The following THSD7A variants were observed in gnomAD, a reference collection of about 807,000 sequenced individuals.
The protein encoded by THSD7A is thrombospondin type-1 domain-containing protein 7A.
A neutral mutation model predicts 231.3 loss-of-function variants in THSD7A; 96 were observed. The observed-to-expected ratio is 0.41, with a 90% confidence interval of 0.35 to 0.49. The LOEUF (loss-of-function observed/expected upper bound fraction) is 0.49. Ranked by LOEUF, THSD7A falls within the 20% of genes least tolerant of loss-of-function variation. The pLI, the probability that THSD7A is intolerant of heterozygous loss-of-function variation, is 0.05. For missense variants in THSD7A, 2,290 were observed against 2,070.2 expected (o/e 1.11, Z -2.06); for synonymous variants, 940 against 743.3 (o/e 1.26, Z -4.30).
chr7:11,416,298 T>C (rs1783957595), intron 17 of THSD7A, among the ~76,000 whole-genome samples: 1 of 152,210 alleles, frequency 6.6e-6, no homozygotes, highest in Non-Finnish European at 1.5e-5. Flanking sequence ...TCCCTATTAA[T>C]AAGTTTAAGA....
chr7:11,438,413 T>C (rs1403264347), intron 13 of THSD7A, among the ~76,000 whole-genome samples: 1 of 152,004 alleles, frequency 6.6e-6, no homozygotes, highest in African/African-American at 2.4e-5. Context: ...AAAGCAAATT[T>C]TTAAAGAGAA....
chr7:11,585,847 A>G (rs62434526), intron 4 of THSD7A, among the ~76,000 whole-genome samples: 5,809 of 152,212 alleles, frequency 0.038, 166 homozygotes, highest in East Asian at 0.041. Context: ...GAGGCATGTG[A>G]GCAAACCAAA....
At chr7:11,564,938 GAATTTA>G in intron 4 of THSD7A, among the ~76,000 whole-genome samples, 1 of 152,282 alleles carries the variant, frequency 6.6e-6, no homozygotes, top group East Asian at 1.9e-4. Flanking sequence ...ATCATTGTTA[GAATTTA>G]AATTTCACAA....
chr7:11,392,483 A>G (rs145532825), intron 23 of THSD7A, among the ~76,000 whole-genome samples: 1 of 152,116 alleles, frequency 6.6e-6, no homozygotes, highest in African/African-American at 2.4e-5. Context: ...GCTAGTTGCA[A>G]GAGTTTTTTT....
At chr7:11,569,135 T>A (rs913079011) in intron 4 of THSD7A, among the ~76,000 whole-genome samples, 2 of 152,094 alleles carry the variant, frequency 1.3e-5, no homozygotes, top group Non-Finnish European at 2.9e-5. Flanking sequence ...TAGGCAAAGA[T>A]TTTATGGTTA....
Position 11,373,640 on chromosome 7 carries a change from T to C in THSD7A, c.*2154A>G, listed in dbSNP as rs1782147567. ...AATTAGCGCTTACTGCATTTAGTTCTTATTGAAATACATACAAATATTTTC... is the reference window on the plus strand; with the variant it reads ...AATTAGCGCTTACTGCATTTAGTTCCTATTGAAATACATACAAATATTTTC... On this transcript the variant is annotated 3_prime_UTR_variant, in exon 28 of 28. Coordinates refer to ENST00000423059, the MANE Select transcript of THSD7A (RefSeq NM_015204.3). 1 of 152,080 alleles carries C rather than the reference T, an allele frequency of 6.6e-6. No individual in the cohort carries two copies. Among genetic ancestry groups the C allele is most frequent in the Admixed American group, 6.6e-5 (1 of 15,224 alleles). 9.4% of individuals were successfully genotyped at this position (152,080 alleles called of 1,614,324 possible). A position where few individuals can be genotyped will look rare whatever the true frequency, so the allele number is the denominator to read the frequency against.
At chr7:11,552,345 C>T (rs1468186698) in intron 4 of THSD7A, among the ~76,000 whole-genome samples, 1 of 151,970 alleles carries the variant, frequency 6.6e-6, no homozygotes, top group Non-Finnish European at 1.5e-5. Flanking sequence ...CACTCCCAAC[C>T]CCTAATTTAA....
At position 11,541,644 on chromosome 7, in the gene THSD7A, G is replaced by T. The variant is rs1233994590; in HGVS notation, c.1610-13C>A. On this transcript the variant is annotated splice_polypyrimidine_tract_variant and intron_variant, in intron 5 of 27. Coordinates refer to ENST00000423059, the MANE Select transcript of THSD7A (RefSeq NM_015204.3). ...CTCAGTTTGAAGCCTGAATTATGGG[G>T]GAAGGAAAAATCTATTGTTACTATC... is the stretch of plus-strand genomic sequence containing the variant. 1 of 1,609,766 alleles carries T rather than the reference G, an allele frequency of 6.2e-7. No individual in the cohort carries two copies. The highest frequency in any genetic ancestry group is 1.7e-5 in the Admixed American group (1 of 59,702).
chr7:11,550,816 A>G (rs1474744161), intron 4 of THSD7A, among the ~76,000 whole-genome samples: 3 of 152,176 alleles, frequency 2.0e-5, no homozygotes, highest in Non-Finnish European at 4.4e-5. Context: ...TCAAACCACC[A>G]ATGACATTTT....
rs547948696 is a variant in THSD7A, at chr7:11,417,025, T to A, written c.3537+425A>T. On this transcript the variant is annotated intron_variant, in intron 17 of 27. Transcript: ENST00000423059. ...GCTGTATTCCCACTGTGTGAGAGAT[T>A]ATTCCTACCATTTAAATAAAAGGTA... Among the ~76,000 whole-genome samples the A allele has an allele frequency of 1.3e-3, 193 of 152,338 alleles. 1 individual carries two copies. The highest frequency in any genetic ancestry group is 0.01 in the Middle Eastern group (3 of 294).
At chr7:11,604,834 A>C (rs1174013627) in intron 2 of THSD7A, among the ~76,000 whole-genome samples, 2 of 152,150 alleles carry the variant, frequency 1.3e-5, no homozygotes, top group African/African-American at 4.8e-5. Flanking sequence ...GAGCAGACAG[A>C]TGCAGAAGTA....
chr7:11,660,210 G>T (rs1782877419), intron 1 of THSD7A, among the ~76,000 whole-genome samples: 1 of 151,476 alleles, frequency 6.6e-6, no homozygotes, highest in African/African-American at 2.4e-5. Context: ...GTCAAGTACT[G>T]TGCTAAGCAC....
intron 2 of THSD7A, among the ~76,000 whole-genome samples, chr7:11,618,331 T>C (rs148088677): frequency 3.9e-4 from 59 of 152,332 alleles, no homozygotes; most frequent in Admixed American, 3.4e-3. Flanking sequence ...ACATATTGTA[T>C]ATACACGTAA....
intron 1 of THSD7A, among the ~76,000 whole-genome samples, chr7:11,689,210 C>G (rs187684712): frequency 4.6e-5 from 7 of 151,964 alleles, no homozygotes; most frequent in Admixed American, 3.3e-4. Flanking sequence ...CAATTATGAC[C>G]AAATTGGTTA....
intron 1 of THSD7A, among the ~76,000 whole-genome samples, chr7:11,684,440 G>T (rs934023105): frequency 1.3e-5 from 2 of 148,800 alleles, no homozygotes; most frequent in Admixed American, 6.8e-5. Flanking sequence ...AAAGGAAGTA[G>T]AATCATCTCT....
chr7:11,571,970 T>G (rs1165228568), intron 4 of THSD7A, among the ~76,000 whole-genome samples: 1 of 152,166 alleles, frequency 6.6e-6, no homozygotes, highest in East Asian at 1.9e-4. Context: ...ATTTTTTTTT[T>G]GGCCATTATT....
rs539047769 is a variant in THSD7A at position 11,587,938 on chromosome 7, T to C, written c.1453+2522A>G. Among the ~76,000 whole-genome samples, 5 of 152,300 alleles carry C rather than the reference T, an allele frequency of 3.3e-5. No homozygotes were observed. The East Asian group carries it at 7.7e-4, about 24-fold the overall frequency. ...GGGTCTTTTTCACACCTTGGTTATA[T>C]GTGAAAACAAGTCATCTAGAGAACA... On this transcript the variant is annotated intron_variant, in intron 4 of 27. Coordinates refer to ENST00000423059, the MANE Select transcript of THSD7A (RefSeq NM_015204.3).
intron 13 of THSD7A, among the ~76,000 whole-genome samples, chr7:11,445,440 T>A (rs537996767): frequency 6.6e-6 from 1 of 152,170 alleles, no homozygotes; most frequent in East Asian, 1.9e-4. Flanking sequence ...TTTTCCTTTC[T>A]TTTTTGGTTT....
At chr7:11,653,454 GT>G (rs1562445837) in intron 1 of THSD7A, among the ~76,000 whole-genome samples, 15 of 100,066 alleles carry the variant, frequency 1.5e-4, no homozygotes, top group African/African-American at 6.5e-4. Context: ...AGATATGTGT[GT>G]GTGTGTGTGT....
Sources: gnomAD v4.1 joint callset for allele counts (sites outside exome capture counted in the v4.1 genomes callset) on GRCh38, gnomAD v4.1.1 for gene constraint, MANE v1.5 for transcripts, NCBI Gene and HGNC (gene_info 2026-07-23, HGNC 2026-07-21) for gene names.